The following PIP5K1B variants were observed in gnomAD, a reference collection of about 807,000 sequenced individuals.
The protein encoded by PIP5K1B is phosphatidylinositol-4-phosphate 5-kinase type 1 beta.
Under a neutral mutation model 67.0 loss-of-function variants are expected in PIP5K1B, and 42 were observed. That is an observed-to-expected ratio of 0.63 (90% confidence interval 0.49 to 0.81). The LOEUF (loss-of-function observed/expected upper bound fraction) is 0.81. PIP5K1B is among the 30% of genes least tolerant of loss of function. The pLI, the probability that PIP5K1B is intolerant of heterozygous loss-of-function variation, is 0.00. For synonymous variants in PIP5K1B, 214 were observed against 231.4 expected (o/e 0.92, Z 0.68); for missense variants, 459 against 646.3 (o/e 0.71, Z 3.14).
intron 9 of PIP5K1B, among the ~76,000 whole-genome samples, chr9:68,918,867 C>T (rs547814109): frequency 1.3e-5 from 2 of 152,172 alleles, no homozygotes; most frequent in South Asian, 4.1e-4. Context: ...TTAAAAACCA[C>T]GCTAGCATTG....
chr9:68,852,997 G>T (rs983670170), intron 4 of PIP5K1B, among the ~76,000 whole-genome samples: 6 of 152,150 alleles, frequency 3.9e-5, no homozygotes, highest in Admixed American at 3.9e-4. Context: ...AGAAAGTTTT[G>T]AAGGCCAAGC....
intron 2 of PIP5K1B, among the ~76,000 whole-genome samples, chr9:68,797,204 G>A (rs1402678211): frequency 6.6e-6 from 1 of 152,160 alleles, no homozygotes; most frequent in Admixed American, 6.5e-5. Context: ...TGTCTACGAT[G>A]CTTTGTTGTT....
chr9:68,793,315 G>T (rs1399294069), intron 2 of PIP5K1B, among the ~76,000 whole-genome samples: 2 of 152,130 alleles, frequency 1.3e-5, no homozygotes, highest in Non-Finnish European at 2.9e-5. Flanking sequence ...GGAGTGACAT[G>T]ATCTGTCTTA....
chr9:69,008,374 T>C (rs1831182142), intron 15 of PIP5K1B, 73 bp from the exon 16 acceptor site: 6 of 1,369,898 alleles, frequency 4.4e-6, no homozygotes, highest in Non-Finnish European at 6.3e-6. Context: ...CGAACTTATG[T>C]TGCGACTCAT....
chr9:68,971,865 C>T (rs1044148696), intron 14 of PIP5K1B, among the ~76,000 whole-genome samples: 4 of 152,060 alleles, frequency 2.6e-5, no homozygotes, highest in African/African-American at 9.7e-5. Flanking sequence ...TGTTTAAGTT[C>T]CTTGTAGATT....
chr9:68,971,572 T>A (rs1343583939), intron 14 of PIP5K1B, among the ~76,000 whole-genome samples: 5 of 152,112 alleles, frequency 3.3e-5, no homozygotes, highest in African/African-American at 1.2e-4. Context: ...ACTGCCACAC[T>A]CTCTTCCACA....
intron 14 of PIP5K1B, among the ~76,000 whole-genome samples, chr9:68,976,354 T>C (rs1254940388): frequency 6.6e-6 from 1 of 152,204 alleles, no homozygotes; most frequent in Non-Finnish European, 1.5e-5. Flanking sequence ...GAATCAAAAC[T>C]TTTGGAAGCT....
intron 2 of PIP5K1B, among the ~76,000 whole-genome samples, chr9:68,805,968 G>C (rs75328132): frequency 0.011 from 1,671 of 152,274 alleles, 14 homozygotes; most frequent in Middle Eastern, 0.037. Context: ...TGGAAACACA[G>C]GGCCTTCTCT....
chr9:68,900,056 A>G (rs1587638694), intron 8 of PIP5K1B, among the ~76,000 whole-genome samples: 1 of 152,352 alleles, frequency 6.6e-6, no homozygotes, highest in East Asian at 1.9e-4. Context: ...ACTTAGAATA[A>G]TGGTCTTCAC....
intron 2 of PIP5K1B, among the ~76,000 whole-genome samples, chr9:68,800,969 C>G (rs1354357376): frequency 6.6e-6 from 1 of 152,184 alleles, no homozygotes; most frequent in Non-Finnish European, 1.5e-5. Context: ...ATAGAAATCC[C>G]AGATAGGAAA....
intron 2 of PIP5K1B, among the ~76,000 whole-genome samples, chr9:68,800,954 C>G (rs1313820105): frequency 6.6e-6 from 1 of 152,168 alleles, no homozygotes; most frequent in Non-Finnish European, 1.5e-5. Context: ...TCTTCTCCCC[C>G]TCATATAGAA....
chr9:68,862,680 T>G (rs1823151689), intron 4 of PIP5K1B, among the ~76,000 whole-genome samples: 1 of 151,856 alleles, frequency 6.6e-6, no homozygotes, highest in African/African-American at 2.4e-5. Context: ...TAGTCCCAGC[T>G]ACTCAGGCGG....
chr9:68,785,561 C>T (rs926552759), intron 2 of PIP5K1B, among the ~76,000 whole-genome samples: 4 of 152,188 alleles, frequency 2.6e-5, no homozygotes, highest in Non-Finnish European at 5.9e-5. Context: ...TGCTATGTGT[C>T]AGGGACTGTT....
At chr9:68,876,339 T>A (rs1207596753) in intron 5 of PIP5K1B, among the ~76,000 whole-genome samples, 1 of 152,176 alleles carries the variant, frequency 6.6e-6, no homozygotes, top group Non-Finnish European at 1.5e-5. Context: ...CTCCACACTC[T>A]AAGGCCTAGA....
intron 2 of PIP5K1B, among the ~76,000 whole-genome samples, chr9:68,778,841 T>C (rs977511834): frequency 1.3e-5 from 2 of 152,246 alleles, no homozygotes; most frequent in Non-Finnish European, 2.9e-5. Context: ...CTTTTTCTGC[T>C]AACTCATCAA....
intron 2 of PIP5K1B, chr9:68,780,240 A>C: frequency 6.5e-7 from 1 of 1,542,736 alleles, no homozygotes; most frequent in Non-Finnish European, 8.7e-7. Context: ...GGGCGGTGGC[A>C]GCGGCGGCGG....
rs918719447 is a variant in PIP5K1B, at chr9:68,989,432, C to G, written c.1503-1708C>G. 1.8e-4 allele frequency among the ~76,000 whole-genome samples: 28 copies of G among 152,264 alleles called. No homozygotes were observed. In the Middle Eastern group the frequency reaches 0.01, roughly 55 times the overall value. ...GAAGCCCACCTTCCCCAGCCCTGCC[C>G]TCAGCTCTACCACCCAGGGAAGACC... On this transcript the variant is annotated intron_variant, in intron 14 of 15. Coordinates refer to ENST00000265382, the MANE Select transcript of PIP5K1B (RefSeq NM_003558.4).
intron 2 of PIP5K1B, among the ~76,000 whole-genome samples, chr9:68,776,074 TG>T (rs1160282948): frequency 6.6e-6 from 1 of 152,224 alleles, no homozygotes; most frequent in African/African-American, 2.4e-5. Context: ...TTTTCCTAAG[TG>T]GTTGTAACAG....
At chr9:68,891,484 A>G (rs1824784830) in intron 7 of PIP5K1B, among the ~76,000 whole-genome samples, 1 of 151,922 alleles carries the variant, frequency 6.6e-6, no homozygotes, top group African/African-American at 2.4e-5. Flanking sequence ...CAATGATTAT[A>G]CAAGTTGTAC....
Sources: allele counts gnomAD v4.1 joint callset (sites outside exome capture counted in the v4.1 genomes callset), GRCh38; gene constraint gnomAD v4.1.1; transcripts MANE v1.5; gene names NCBI Gene and HGNC (gene_info 2026-07-23, HGNC 2026-07-21).